The following AP3B1 variants were observed in gnomAD, a reference collection of about 807,000 sequenced individuals.
AP3B1 encodes adaptor related protein complex 3 subunit beta 1.
AP3B1 carries 61 observed loss-of-function variants against 132.5 expected under a neutral mutation model. The observed-to-expected ratio is 0.46, with a 90% confidence interval of 0.37 to 0.57. AP3B1 has a LOEUF of 0.57. Among genes scored for constraint, AP3B1 ranks in the 20% least tolerant of loss-of-function variants. AP3B1 has a pLI of 0.00. For missense variants in AP3B1, 1,120 were observed against 1,289.4 expected, an observed-to-expected ratio of 0.87 and a Z score of 2.01; for synonymous variants, 388 against 438.3, an observed-to-expected ratio of 0.89 and a Z score of 1.43.
At chr5:78,118,298 T>C (rs1176424647) in intron 17 of AP3B1, among the ~76,000 whole-genome samples, 1 of 152,102 alleles carries the variant, frequency 6.6e-6, no homozygotes, top group Non-Finnish European at 1.5e-5. Flanking sequence ...CCATCTGAGG[T>C]ACCACCAGGT....
intron 17 of AP3B1, among the ~76,000 whole-genome samples, chr5:78,123,010 T>C (rs562372786): frequency 2.6e-5 from 4 of 152,242 alleles, no homozygotes; most frequent in East Asian, 3.9e-4. Context: ...TATAGATCAA[T>C]GGAACAGAAC....
At chr5:78,284,985 G>A (rs1050349356) in intron 1 of AP3B1, among the ~76,000 whole-genome samples, 4 of 152,100 alleles carry the variant, frequency 2.6e-5, no homozygotes, top group African/African-American at 9.7e-5. Context: ...GGTGGCCCAC[G>A]CCTGTAAATC....
chr5:78,085,444 AATG>A (rs373426158), intron 22 of AP3B1, among the ~76,000 whole-genome samples: 83 of 152,330 alleles, frequency 5.4e-4, no homozygotes, highest in African/African-American at 2.0e-3. Flanking sequence ...TGCAAAGCTC[AATG>A]ATATTTTTCA....
chr5:78,009,291 C>CAAAAAAAA (rs1286628758), intron 26 of AP3B1, among the ~76,000 whole-genome samples: 1 of 51,970 alleles, frequency 1.9e-5, no homozygotes. Context: ...CCTGTCTCTA[C>CAAAAAAAA]AAAAAAAAAA....
chr5:78,120,677 A>G (rs1227010831), intron 17 of AP3B1, among the ~76,000 whole-genome samples: 1 of 152,112 alleles, frequency 6.6e-6, no homozygotes, highest in African/African-American at 2.4e-5. Flanking sequence ...ATACAGGAGC[A>G]CCCAGATTCA....
At chr5:78,155,491 T>C (rs1240318551) in intron 14 of AP3B1, among the ~76,000 whole-genome samples, 2 of 152,208 alleles carry the variant, frequency 1.3e-5, no homozygotes, top group African/African-American at 2.4e-5. Flanking sequence ...GTGACAATCA[T>C]TGCAGCCCTC....
chr5:78,158,806 C>T (rs1469429538), intron 13 of AP3B1, among the ~76,000 whole-genome samples: 1 of 151,956 alleles, frequency 6.6e-6, no homozygotes, highest in African/African-American at 2.4e-5. Flanking sequence ...AAGCGATTCT[C>T]CTGCCTCAGC....
intron 6 of AP3B1, among the ~76,000 whole-genome samples, chr5:78,217,874 A>C (rs1746025787): frequency 6.6e-6 from 1 of 152,116 alleles, no homozygotes; most frequent in Non-Finnish European, 1.5e-5. Context: ...AATACTATGT[A>C]AAATCAAGTT....
chr5:78,168,378 C>G (rs1008117912), intron 11 of AP3B1, among the ~76,000 whole-genome samples: 2 of 151,800 alleles, frequency 1.3e-5, no homozygotes, highest in African/African-American at 4.8e-5. Context: ...TGCATACCAC[C>G]AAGCTCAGCT....
intron 17 of AP3B1, among the ~76,000 whole-genome samples, chr5:78,117,877 G>T (rs1751929538): frequency 6.6e-6 from 1 of 152,078 alleles, no homozygotes; most frequent in East Asian, 1.9e-4. Flanking sequence ...TAAAAAGCAG[G>T]GAAATGTATA....
intron 7 of AP3B1, among the ~76,000 whole-genome samples, chr5:78,194,625 A>C (rs1190488777): frequency 2.0e-5 from 3 of 152,228 alleles, no homozygotes; most frequent in Non-Finnish European, 2.9e-5. Flanking sequence ...TTACATGGAA[A>C]CATGACTGGT....
At chr5:78,233,705 T>C (rs760993503) in intron 3 of AP3B1, among the ~76,000 whole-genome samples, 11 of 152,194 alleles carry the variant, frequency 7.2e-5, no homozygotes, top group African/African-American at 2.7e-4. Flanking sequence ...CTACATTATA[T>C]TACTCGTTTA....
intron 2 of AP3B1, among the ~76,000 whole-genome samples, chr5:78,257,119 G>A (rs909532282): frequency 1.3e-5 from 2 of 152,258 alleles, no homozygotes; most frequent in African/African-American, 4.8e-5. Context: ...ACACGACAAG[G>A]TTGCCCACTG....
chr5:78,115,158 C>T (rs144969438), intron 18 of AP3B1, among the ~76,000 whole-genome samples: 140 of 152,276 alleles, frequency 9.2e-4, no homozygotes, highest in Middle Eastern at 3.4e-3. Context: ...CACGCACATA[C>T]ATATTAAGTC....
intron 11 of AP3B1, among the ~76,000 whole-genome samples, chr5:78,174,561 C>T (rs1225340108): frequency 6.6e-6 from 1 of 152,344 alleles, no homozygotes; most frequent in African/African-American, 2.4e-5. Flanking sequence ...TACTGTAGAA[C>T]AGCAAATATT....
At chr5:78,164,689 A>C (rs1743535310) in intron 12 of AP3B1, among the ~76,000 whole-genome samples, 1 of 152,194 alleles carries the variant, frequency 6.6e-6, no homozygotes, top group African/African-American at 2.4e-5. Flanking sequence ...AGAAAGATAC[A>C]CAACATAAAA....
chr5:78,136,877 A>G (rs185270944), intron 15 of AP3B1, among the ~76,000 whole-genome samples: 82 of 152,280 alleles, frequency 5.4e-4, no homozygotes, highest in African/African-American at 1.9e-3. Flanking sequence ...ATATAGCAAA[A>G]TTGACTATAT....
chr5:78,070,349 G>A lies in AP3B1; in HGVS notation c.2577+19044C>T, dbSNP rs190977143. On this transcript the variant is annotated intron_variant, in intron 22 of 26. Coordinates refer to ENST00000255194, the MANE Select transcript of AP3B1 (RefSeq NM_003664.5). The stretch of plus-strand genomic sequence containing the variant: ...TTGAACCCAGGAGGCAGAGGATGCA[G>A]TGAGCAGAGATCACGCTACTGCACT... 5.3e-5 allele frequency among the ~76,000 whole-genome samples: 8 copies of A among 150,778 alleles called. No individual in the cohort carries two copies. The East Asian group carries it at 1.6e-3, about 29-fold the overall frequency.
At chr5:78,162,352 G>C (rs1285972903) in intron 13 of AP3B1, among the ~76,000 whole-genome samples, 2 of 152,002 alleles carry the variant, frequency 1.3e-5, no homozygotes, top group Non-Finnish European at 2.9e-5. Context: ...AGTTAATTTT[G>C]AATATAATTA....
Sources: gnomAD v4.1 joint callset for allele counts (sites outside exome capture counted in the v4.1 genomes callset) on GRCh38, gnomAD v4.1.1 for gene constraint, MANE v1.5 for transcripts, NCBI Gene and HGNC (gene_info 2026-07-23, HGNC 2026-07-21) for gene names.